Variants in PACSIN2 observed in about 807,000 individuals in gnomAD.
The protein encoded by PACSIN2 is protein kinase C and casein kinase substrate in neurons 2, also known as protein kinase C and casein kinase substrate in neurons protein 2.
Under a neutral mutation model 63.8 loss-of-function variants are expected in PACSIN2, and 25 were observed. The observed-to-expected ratio is 0.39, with a 90% CI of 0.29 to 0.55. PACSIN2 has a LOEUF of 0.55. Ranked by LOEUF, PACSIN2 falls within the 20% of genes least tolerant of loss-of-function variation. PACSIN2 has a pLI of 0.62. For synonymous variants in PACSIN2, 255 were observed against 256.2 expected, an observed-to-expected ratio of 1.00 and a Z score of 0.05; for missense variants, 518 against 646.9, an observed-to-expected ratio of 0.80 and a Z score of 2.16.
intron 3 of PACSIN2, 120 bp downstream of exon 3, chr22:42,893,337 C>G (rs983639319): frequency 9.7e-6 from 10 of 1,027,970 alleles, no homozygotes; most frequent in Non-Finnish European, 1.5e-5. Flanking sequence ...CTGGGAAATG[C>G]ACTCTTGCCC....
chr22:42,883,953 A>G (rs544375170), intron 6 of PACSIN2, among the ~76,000 whole-genome samples: 8 of 151,878 alleles, frequency 5.3e-5, no homozygotes, highest in Non-Finnish European at 8.8e-5. Flanking sequence ...GTTGCAGTGA[A>G]CTGAGATCAC....
At chr22:42,953,299 GA>G (rs749907108) in intron 1 of PACSIN2, among the ~76,000 whole-genome samples, 15 of 147,610 alleles carry the variant, frequency 1.0e-4, no homozygotes, top group African/African-American at 1.5e-4. Flanking sequence ...AACTAAGAGT[GA>G]AAAAAAAATG....
At chr22:42,947,915 A>G (rs947460527) in intron 1 of PACSIN2, among the ~76,000 whole-genome samples, 12 of 152,338 alleles carry the variant, frequency 7.9e-5, no homozygotes, top group African/African-American at 2.9e-4. Context: ...CCCGTAAGCC[A>G]GGTGCCCCCA....
intron 1 of PACSIN2, among the ~76,000 whole-genome samples, chr22:43,006,893 G>A (rs564638435): frequency 6.6e-6 from 1 of 152,178 alleles, no homozygotes; most frequent in Non-Finnish European, 1.5e-5. Context: ...CAGGTTAAGA[G>A]AATGAGTCAA....
chr22:42,878,220 G>T (rs1928794466), intron 8 of PACSIN2, among the ~76,000 whole-genome samples: 1 of 152,218 alleles, frequency 6.6e-6, no homozygotes. Context: ...CAAGCATACA[G>T]GTGCTGGCCT....
chr22:42,992,278 T>G (rs1276851443), intron 1 of PACSIN2, among the ~76,000 whole-genome samples: 3 of 152,192 alleles, frequency 2.0e-5, no homozygotes, highest in African/African-American at 7.2e-5. Flanking sequence ...GTACCAAGTG[T>G]TGGTGAGGAT....
At chr22:42,979,354 T>A (rs1186092392) in intron 1 of PACSIN2, among the ~76,000 whole-genome samples, 1 of 151,512 alleles carries the variant, frequency 6.6e-6, no homozygotes, top group Non-Finnish European at 1.5e-5. Flanking sequence ...TGAAACCCCA[T>A]CTCTACTAAA....
At chr22:42,897,241 C>T (rs1319398388) in intron 2 of PACSIN2, among the ~76,000 whole-genome samples, 1 of 152,126 alleles carries the variant, frequency 6.6e-6, no homozygotes, top group Non-Finnish European at 1.5e-5. Flanking sequence ...CTGGCCTGTT[C>T]CCTTTTTAAT....
At chr22:42,911,427 A>G (rs904707570) in intron 2 of PACSIN2, among the ~76,000 whole-genome samples, 5 of 151,224 alleles carry the variant, frequency 3.3e-5, no homozygotes, top group Non-Finnish European at 5.9e-5. Flanking sequence ...AAAAAAAAAA[A>G]GATGGACTTT....
chr22:42,878,707 G>C (rs575431133), intron 8 of PACSIN2, among the ~76,000 whole-genome samples: 148 of 152,324 alleles, frequency 9.7e-4, no homozygotes, highest in African/African-American at 3.5e-3. Flanking sequence ...ACCAGTGTCC[G>C]GGCAGGGCGG....
At chr22:42,992,887 G>C (rs1008851170) in intron 1 of PACSIN2, among the ~76,000 whole-genome samples, 3 of 152,236 alleles carry the variant, frequency 2.0e-5, no homozygotes, top group African/African-American at 7.2e-5. Context: ...ATACTGGCCG[G>C]AAGTGGTGGC....
chr22:42,888,806 G>A lies in PACSIN2; in HGVS notation c.454-8C>T. On this transcript the variant is annotated splice_polypyrimidine_tract_variant and splice_region_variant and intron_variant, in intron 4 of 10. Transcript: ENST00000263246. ...TTTCTTTGCTGCTTCTACCTACAGG[G>A]AGAATGAGTTCCTGAATGCCATGTC... The A allele has an allele frequency of 6.2e-7, 1 of 1,613,938 alleles. No homozygotes were observed.
intron 1 of PACSIN2, among the ~76,000 whole-genome samples, chr22:42,991,826 A>C (rs1230139420): frequency 1.3e-5 from 2 of 152,104 alleles, no homozygotes; most frequent in Non-Finnish European, 2.9e-5. Context: ...AAAAAAAAAA[A>C]AAAACCTTCA....
In PACSIN2 at chr22:42,959,033, G is replaced by A. The variant is rs189062792; in HGVS notation, c.-77-46876C>T. Among the ~76,000 whole-genome samples, 7 of 152,218 alleles carry A rather than the reference G, an allele frequency of 4.6e-5. No homozygotes were observed. In the East Asian group the frequency reaches 7.7e-4, roughly 17 times the overall value. ...ATAAGACTTTTACATTTTGTTACCC[G>A]ACAAAAATATAAACAGTGTCTAGTG... On this transcript the variant is annotated intron_variant, in intron 1 of 10. Transcript: ENST00000263246.
chr22:42,970,756 AAAGG>A (rs1252948084), intron 1 of PACSIN2, among the ~76,000 whole-genome samples: 1 of 152,208 alleles, frequency 6.6e-6, no homozygotes, highest in African/African-American at 2.4e-5. Context: ...AAGCACCTGG[AAAGG>A]AAGGCAGGGC....
chr22:42,942,120 ATTCT>A (rs1383544594), intron 1 of PACSIN2, among the ~76,000 whole-genome samples: 1 of 120,630 alleles, frequency 8.3e-6, no homozygotes, highest in African/African-American at 3.4e-5. Flanking sequence ...TTTTTTTTTA[ATTCT>A]TTCAATTTTT....
chr22:42,989,859 G>GAA lies in PACSIN2; in HGVS notation c.-78+25160_-78+25161dup, dbSNP rs575057018. Among the ~76,000 whole-genome samples the GAA allele has an allele frequency of 5.4e-3, 618 of 115,136 alleles. 3 individuals are homozygous for GAA. The highest frequency in any genetic ancestry group is 0.019 in the African/African-American group (566 of 30,428). 75.5% of individuals were successfully genotyped at this position (115,136 alleles called of 152,430 possible). A position where few individuals can be genotyped will look rare whatever the true frequency, so the allele number is the denominator to read the frequency against. On this transcript the variant is annotated intron_variant, in intron 1 of 10. Coordinates refer to ENST00000263246, the MANE Select transcript of PACSIN2 (RefSeq NM_001184970.3). Reference sequence around the variant, plus strand: ...AAGAAAACTCATTCTCTTGGAGGGGGAAAAAAAAATATATATATATATATA... The same window carrying GAA: ...AAGAAAACTCATTCTCTTGGAGGGGGAAAAAAAAAAATATATATATATATATA...
At chr22:42,886,542 A>T (rs373970839) in intron 5 of PACSIN2, among the ~76,000 whole-genome samples, 1 of 152,096 alleles carries the variant, frequency 6.6e-6, no homozygotes, top group Non-Finnish European at 1.5e-5. Flanking sequence ...CACAGCTTGC[A>T]GCAGCCTTGA....
At chr22:43,005,034 T>C (rs1924004432) in intron 1 of PACSIN2, among the ~76,000 whole-genome samples, 1 of 152,264 alleles carries the variant, frequency 6.6e-6, no homozygotes, top group Non-Finnish European at 1.5e-5. Context: ...TTATTTTAAT[T>C]ACAAAGTTAT....
Sources: allele counts gnomAD v4.1 joint callset (sites outside exome capture counted in the v4.1 genomes callset), GRCh38; gene constraint gnomAD v4.1.1; transcripts MANE v1.5; gene names NCBI Gene and HGNC (gene_info 2026-07-23, HGNC 2026-07-21).